Variants in FSTL5 observed in about 807,000 individuals in gnomAD.
The protein encoded by FSTL5 is follistatin-related protein 5.
In FSTL5, 62 loss-of-function variants were observed where a neutral mutation model predicts 89.1. That is an observed-to-expected ratio of 0.70 (90% CI 0.57 to 0.86). The LOEUF is 0.86. Ranked by LOEUF, FSTL5 falls within the 40% of genes least tolerant of loss-of-function variation. The pLI is 0.00. For missense variants in FSTL5, 1,057 were observed against 1,001.6 expected (o/e 1.06, Z -0.75); for synonymous variants, 383 against 346.2 (o/e 1.11, Z -1.18).
chr4:161,471,281 T>A (rs1733929449), intron 13 of FSTL5, among the ~76,000 whole-genome samples: 1 of 152,234 alleles, frequency 6.6e-6, no homozygotes, highest in African/African-American at 2.4e-5. Flanking sequence ...TTAAATTTTA[T>A]CACATGCTTT....
intron 3 of FSTL5, among the ~76,000 whole-genome samples, chr4:161,993,825 A>C (rs1035856273): frequency 3.3e-5 from 5 of 152,220 alleles, no homozygotes; most frequent in Admixed American, 3.3e-4. Context: ...GTGTGTAAAA[A>C]TAGTTGTCTA....
intron 15 of FSTL5, among the ~76,000 whole-genome samples, chr4:161,402,620 G>A (rs187049164): frequency 2.9e-4 from 44 of 152,132 alleles, no homozygotes; most frequent in Admixed American, 1.7e-3. Context: ...CACACTCCCC[G>A]TGCAATGTTA....
At chr4:161,630,285 TCTCATTTAGCCTCTGG>T (rs1443999605) in intron 7 of FSTL5, among the ~76,000 whole-genome samples, 2 of 152,220 alleles carry the variant, frequency 1.3e-5, no homozygotes, top group African/African-American at 4.8e-5. Flanking sequence ...TACTGCCAGC[TCTCATTTAGCCTCTGG>T]CTCATATTTT....
chr4:161,886,769 C>T (rs2126916902), intron 4 of FSTL5, among the ~76,000 whole-genome samples: 1 of 152,104 alleles, frequency 6.6e-6, no homozygotes, highest in Non-Finnish European at 1.5e-5. Context: ...TGTTGTATTC[C>T]TAATACAGAA....
At chr4:161,955,274 A>C (rs1734998085) in intron 3 of FSTL5, among the ~76,000 whole-genome samples, 1 of 151,644 alleles carries the variant, frequency 6.6e-6, no homozygotes, top group African/African-American at 2.4e-5. Flanking sequence ...GAGATTATGT[A>C]CCTAAACACA....
chr4:161,934,900 A>C (rs1246141064), intron 3 of FSTL5, among the ~76,000 whole-genome samples: 2 of 152,134 alleles, frequency 1.3e-5, no homozygotes, highest in African/African-American at 4.8e-5. Context: ...GTTATAATCC[A>C]AAGTTTGTGT....
intron 6 of FSTL5, among the ~76,000 whole-genome samples, chr4:161,679,801 T>C (rs901077148): frequency 1.3e-5 from 2 of 151,846 alleles, no homozygotes; most frequent in Admixed American, 6.6e-5. Flanking sequence ...TGCTAGGTAC[T>C]CTTCTCACGT....
chr4:162,034,925 C>A (rs184296094), intron 2 of FSTL5, among the ~76,000 whole-genome samples: 1 of 152,118 alleles, frequency 6.6e-6, no homozygotes, highest in African/African-American at 2.4e-5. Flanking sequence ...ACTCACCCAA[C>A]CTCTGTGTTT....
At chr4:162,075,340 A>T (rs1367275968) in intron 2 of FSTL5, among the ~76,000 whole-genome samples, 3 of 151,874 alleles carry the variant, frequency 2.0e-5, no homozygotes, top group Admixed American at 2.0e-4. Context: ...ATTTGGAGTC[A>T]CTGAGACAGA....
intron 2 of FSTL5, among the ~76,000 whole-genome samples, chr4:162,057,321 C>T (rs1307613441): frequency 6.6e-6 from 1 of 152,176 alleles, no homozygotes; most frequent in Non-Finnish European, 1.5e-5. Context: ...TTCTGATAAA[C>T]TCTCCGTCTC....
chr4:161,729,952 G>A (rs1347353), intron 6 of FSTL5, among the ~76,000 whole-genome samples: 114,158 of 152,078 alleles, frequency 0.75, 45,063 homozygotes, highest in Non-Finnish European at 0.87. Context: ...TGTAAATATA[G>A]TGTTTTAGTA....
chr4:161,880,041 T>C (rs1029229867), intron 4 of FSTL5, among the ~76,000 whole-genome samples: 1 of 152,176 alleles, frequency 6.6e-6, no homozygotes, highest in Non-Finnish European at 1.5e-5. Flanking sequence ...CTTAGTCACA[T>C]CAGCCAAGCC....
At chr4:161,514,642 A>C in intron 10 of FSTL5, among the ~76,000 whole-genome samples, 1 of 152,184 alleles carries the variant, frequency 6.6e-6, no homozygotes, top group East Asian at 1.9e-4. Context: ...AAATAAATGG[A>C]GAATCAAAAT....
At chr4:161,535,552 T>C (rs912667660) in intron 10 of FSTL5, among the ~76,000 whole-genome samples, 2 of 152,022 alleles carry the variant, frequency 1.3e-5, no homozygotes, top group Admixed American at 1.3e-4. Flanking sequence ...CGCACACCAG[T>C]CAGAATGGCT....
rs145813911 is a variant in FSTL5, at chr4:161,968,679, G to A, written c.161-48027C>T. ...TTTTAATCTCCTCAACAGTATCCTA[G>A]CCAAGCAATAATTCCATGTATGTTT... is the stretch of plus-strand genomic sequence containing the variant. On this transcript the variant is annotated intron_variant, in intron 3 of 15. Coordinates refer to ENST00000306100, the MANE Select transcript of FSTL5 (RefSeq NM_020116.5). Among the ~76,000 whole-genome samples, 293 of 152,070 alleles carry A rather than the reference G, an allele frequency of 1.9e-3. 1 individual carries two copies. The highest frequency in any genetic ancestry group is 6.6e-3 in the African/African-American group (275 of 41,502).
chr4:161,655,426 T>C (rs1434918662), intron 7 of FSTL5, among the ~76,000 whole-genome samples: 3 of 152,070 alleles, frequency 2.0e-5, no homozygotes, highest in Non-Finnish European at 4.4e-5. Context: ...CCAATCAGAG[T>C]ATTACATTCT....
chr4:161,537,849 C>T (rs1731678545), intron 10 of FSTL5, among the ~76,000 whole-genome samples: 1 of 152,222 alleles, frequency 6.6e-6, no homozygotes, highest in Middle Eastern at 3.4e-3. Flanking sequence ...TTGAATTCCC[C>T]ACATTTAATT....
intron 1 of FSTL5, among the ~76,000 whole-genome samples, chr4:162,118,938 T>C (rs547566578): frequency 6.6e-6 from 1 of 152,282 alleles, no homozygotes; most frequent in Non-Finnish European, 1.5e-5. Flanking sequence ...TAATAAAATC[T>C]GATTTATTCT....
At chr4:161,761,344 A>G (rs1740793845) in intron 5 of FSTL5, among the ~76,000 whole-genome samples, 1 of 152,180 alleles carries the variant, frequency 6.6e-6, no homozygotes, top group African/African-American at 2.4e-5. Flanking sequence ...ATCATAGAAA[A>G]TGACTTTTGA....
Sources: allele counts gnomAD v4.1 joint callset (sites outside exome capture counted in the v4.1 genomes callset), GRCh38; gene constraint gnomAD v4.1.1; transcripts MANE v1.5; gene names NCBI Gene and HGNC (gene_info 2026-07-23, HGNC 2026-07-21).